DYSF: variants seen among roughly 807,000 people sequenced by gnomAD.
The protein encoded by DYSF is dystrophy-associated fer-1-like 1.
In DYSF, 212 loss-of-function variants were observed where a neutral mutation model predicts 274.9. That is an observed-to-expected ratio of 0.77 (90% CI 0.69 to 0.86). The LOEUF (loss-of-function observed/expected upper bound fraction) is 0.86. DYSF is among the 40% of genes least tolerant of loss of function. The pLI is 0.00. For missense variants in DYSF, 2,666 were observed against 2,783.2 expected (o/e 0.96, Z 0.95); for synonymous variants, 1,091 against 1,078.7 (o/e 1.01, Z -0.22).
intron 17 of DYSF, among the ~76,000 whole-genome samples, chr2:71,539,507 A>G (rs2089719050): frequency 6.6e-6 from 1 of 152,246 alleles, no homozygotes; most frequent in African/African-American, 2.4e-5. Context: ...GGCTGTGGCC[A>G]TGCCATCCAT....
At position 71,513,931 on chromosome 2, in the gene DYSF, G is replaced by A. The variant is rs200198865; in HGVS notation, c.759+10G>A. 1.5e-5 allele frequency: 24 copies of A among 1,614,106 alleles called. No homozygotes were observed. Among genetic ancestry groups the A allele is most frequent in the South Asian group, 8.8e-5 (8 of 91,062 alleles). ...ACCGCAGGATTTCCAGGTGATGAAC[G>A]GGCTTTCTCTGACCCCAGGCTCCTC... is the stretch of plus-strand genomic sequence containing the variant. On this transcript the variant is annotated intron_variant, in intron 7 of 55. Coordinates refer to ENST00000410020, the MANE Select transcript of DYSF (RefSeq NM_001130987.2).
At chr2:71,541,220 G>T (rs2089898709) in intron 17 of DYSF, among the ~76,000 whole-genome samples, 2 of 152,220 alleles carry the variant, frequency 1.3e-5, no homozygotes, top group South Asian at 4.1e-4. Flanking sequence ...GTCCTTTGAG[G>T]GTTTGAAATA....
intron 24 of DYSF, among the ~76,000 whole-genome samples, chr2:71,564,435 G>A (rs982487548): frequency 5.3e-5 from 8 of 152,264 alleles, no homozygotes; most frequent in East Asian, 1.9e-4. Flanking sequence ...GGTTTGAGCC[G>A]GAATCACTGG....
intron 42 of DYSF, among the ~76,000 whole-genome samples, chr2:71,651,337 C>T (rs532489645): frequency 5.9e-5 from 9 of 152,002 alleles, no homozygotes; most frequent in African/African-American, 9.6e-5. Flanking sequence ...AGCCAAAATC[C>T]GCAATGAAAA....
At chr2:71,564,249 T>C in intron 24 of DYSF, 36 bp downstream of exon 24, 1 of 1,613,902 alleles carries the variant, frequency 6.2e-7, no homozygotes, top group Non-Finnish European at 8.5e-7. Flanking sequence ...TGATCGTATT[T>C]TTCCCAACAT....
chr2:71,642,934 C>T (rs977662873), intron 41 of DYSF, among the ~76,000 whole-genome samples: 4 of 152,218 alleles, frequency 2.6e-5, no homozygotes, highest in Non-Finnish European at 5.9e-5. Flanking sequence ...ATCTTCTAGC[C>T]TACCTTCTCA....
rs563332356 is a variant in DYSF, at chr2:71,591,781, C to T, written c.3574+1493C>T. 2.6e-4 allele frequency among the ~76,000 whole-genome samples: 40 copies of T among 152,334 alleles called. No individual in the cohort carries two copies. The South Asian group carries it at 3.9e-3, about 15-fold the overall frequency. ...TTCCTTGCTGGTCCACTCTCCTCCG[C>T]GATGTGGGGTCCAGTCTGTGTCCTT... On this transcript the variant is annotated intron_variant, in intron 32 of 55. Coordinates refer to ENST00000410020, the MANE Select transcript of DYSF (RefSeq NM_001130987.2).
In DYSF at chr2:71,679,847, G is replaced by A. The variant is rs76142273; in HGVS notation, c.6063+612G>A. 8.2e-3 allele frequency among the ~76,000 whole-genome samples: 1,242 copies of A among 152,156 alleles called. 14 individuals are homozygous for A. The highest frequency in any genetic ancestry group is 0.027 in the African/African-American group (1,106 of 41,508). On this transcript the variant is annotated intron_variant, in intron 53 of 55. Transcript: ENST00000410020. ...CAAAGGAAAAATGAGAAAACGACATGCATAGCTAATTCACAAAATAATTAC... is the reference window on the plus strand; with the variant it reads ...CAAAGGAAAAATGAGAAAACGACATACATAGCTAATTCACAAAATAATTAC...
chr2:71,618,585 G>C (rs1339182155), intron 40 of DYSF, among the ~76,000 whole-genome samples: 3 of 147,104 alleles, frequency 2.0e-5, no homozygotes, highest in African/African-American at 7.9e-5. Flanking sequence ...GGGTAGAGTT[G>C]TGTGTGTGTG....
chr2:71,582,520 G>T (rs1350349416), intron 30 of DYSF, among the ~76,000 whole-genome samples: 1 of 152,158 alleles, frequency 6.6e-6, no homozygotes, highest in African/African-American at 2.4e-5. Context: ...GTTGTGCAGG[G>T]TTTGTAGTAG....
intron 1 of DYSF, among the ~76,000 whole-genome samples, chr2:71,457,444 T>G (rs955361650): frequency 6.6e-6 from 1 of 152,182 alleles, no homozygotes; most frequent in African/African-American, 2.4e-5. Context: ...CACTCTGCTA[T>G]CTACCTCTGG....
chr2:71,617,879 G>GGTATATGTGTGTGTGGTAGAGATGGGGT (rs2093938428), intron 40 of DYSF, among the ~76,000 whole-genome samples: 2 of 20,662 alleles, frequency 9.7e-5, no homozygotes, highest in African/African-American at 1.4e-4. Context: ...GTAGAGGTGG[G>GGTATATGTGTGTGTGGTAGAGATGGGGT]GTGTGTGTGG....
intron 13 of DYSF, 75 bp downstream of exon 13, chr2:71,526,421 C>CGGGGGTGGGGGGGGGGGGGGTTGGGG: frequency 3.7e-6 from 1 of 272,074 alleles, no homozygotes; most frequent in Non-Finnish European, 6.7e-6. Flanking sequence ...TGGGCGATGG[C>CGGGGGTGGGGGGGGGGGGGGTTGGGG]GGGCGGGGTC....
At chr2:71,664,963 G>T (rs1272402026) in intron 46 of DYSF, among the ~76,000 whole-genome samples, 199 bp from the exon 47 acceptor site, 1 of 152,216 alleles carries the variant, frequency 6.6e-6, no homozygotes, top group African/African-American at 2.4e-5. Flanking sequence ...ACTTAAATGA[G>T]TCCTTTTCTC....
chr2:71,475,293 G>T (rs555784409), intron 1 of DYSF, among the ~76,000 whole-genome samples: 1 of 152,152 alleles, frequency 6.6e-6, no homozygotes, highest in African/African-American at 2.4e-5. Context: ...AAGTCAACTT[G>T]CAGTCAACGT....
chr2:71,663,463 T>C (rs938526839), intron 45 of DYSF, among the ~76,000 whole-genome samples: 3 of 152,176 alleles, frequency 2.0e-5, no homozygotes, highest in African/African-American at 7.2e-5. Flanking sequence ...TTTCTTCTCC[T>C]CCCAGGAAGT....
intron 41 of DYSF, among the ~76,000 whole-genome samples, chr2:71,632,269 T>C (rs187965177): frequency 9.8e-5 from 15 of 152,348 alleles, no homozygotes; most frequent in Non-Finnish European, 1.2e-4. Flanking sequence ...AACCCACCTT[T>C]TGTCTTTAAC....
At chr2:71,590,075 TG>T in intron 31 of DYSF, 135 bp from the exon 32 acceptor site, 1 of 828,990 alleles carries the variant, frequency 1.2e-6, no homozygotes, top group Non-Finnish European at 2.1e-6. Flanking sequence ...CCTCGCACAG[TG>T]GCCTGTGTGG....
intron 40 of DYSF, among the ~76,000 whole-genome samples, chr2:71,619,636 C>T (rs1161043615): frequency 6.6e-6 from 1 of 152,196 alleles, no homozygotes; most frequent in African/African-American, 2.4e-5. Context: ...TAGCTGGCTG[C>T]TTCCCAGCAC....
Sources: allele counts gnomAD v4.1 joint callset (sites outside exome capture counted in the v4.1 genomes callset), GRCh38; gene constraint gnomAD v4.1.1; transcripts MANE v1.5; gene names NCBI Gene and HGNC (gene_info 2026-07-23, HGNC 2026-07-21).